PHIP: variants seen among roughly 807,000 people sequenced by gnomAD.
The protein encoded by PHIP is PHIP subunit of CUL4-Ring ligase complex.
A neutral mutation model predicts 236.8 loss-of-function variants in PHIP; 54 were observed. The ratio of observed to expected loss-of-function variants is 0.23; its 90% CI spans 0.18 to 0.29. The LOEUF (loss-of-function observed/expected upper bound fraction) is 0.29. Ranked by LOEUF, PHIP falls within the 10% of genes least tolerant of loss-of-function variation. PHIP has a pLI of 1.00. For missense variants in PHIP, 1,370 were observed against 2,190.8 expected, an observed-to-expected ratio of 0.63 and a Z score of 7.48; for synonymous variants, 756 against 718.9, an observed-to-expected ratio of 1.05 and a Z score of -0.83.
intron 19 of PHIP, among the ~76,000 whole-genome samples, chr6:78,994,175 T>C (rs968434390): frequency 2.6e-5 from 4 of 152,230 alleles, no homozygotes; most frequent in Admixed American, 6.5e-5. Context: ...AATAAAACTT[T>C]AAATGAATGA....
chr6:78,988,163 A>C, intron 21 of PHIP, 46 bp downstream of exon 21: 1 of 1,373,782 alleles, frequency 7.3e-7, no homozygotes, highest in Non-Finnish European at 9.8e-7. Context: ...TATTTAAAAA[A>C]ATAAGTAAAA....
At chr6:79,028,777 G>A (rs528562682) in intron 7 of PHIP, among the ~76,000 whole-genome samples, 1 of 152,256 alleles carries the variant, frequency 6.6e-6, no homozygotes, top group South Asian at 2.1e-4. Context: ...ATCATGTTAT[G>A]CTTCACAATA....
chr6:78,989,745 T>A (rs1769098662), intron 20 of PHIP, among the ~76,000 whole-genome samples: 1 of 152,176 alleles, frequency 6.6e-6, no homozygotes, highest in African/African-American at 2.4e-5. Flanking sequence ...TTAATAGATA[T>A]TAACATATTC....
At chr6:78,944,486 A>AT (rs1189386816) in intron 39 of PHIP, among the ~76,000 whole-genome samples, 1 of 152,164 alleles carries the variant, frequency 6.6e-6, no homozygotes, top group Non-Finnish European at 1.5e-5. Flanking sequence ...GCCTTGAAAT[A>AT]ATGTCATGGA....
intron 6 of PHIP, 79 bp from the exon 7 acceptor site, chr6:79,043,082 C>A (rs1301329832): frequency 1.8e-6 from 2 of 1,117,768 alleles, no homozygotes; most frequent in African/African-American, 1.6e-5. Context: ...AATTCACATA[C>A]TCCAATTTGT....
intron 24 of PHIP, 121 bp from the exon 25 acceptor site, chr6:78,971,009 A>G (rs540680804): frequency 2.9e-5 from 19 of 649,310 alleles, no homozygotes; most frequent in Non-Finnish European, 4.7e-5. Flanking sequence ...AAATTCTAAT[A>G]TTTTCTCCCT....
intron 34 of PHIP, 95 bp from the exon 35 acceptor site, chr6:78,955,058 A>AT (rs1766325854): frequency 1.0e-6 from 1 of 968,440 alleles, no homozygotes. Context: ...GTAATATACA[A>AT]TAATTCAAAC....
At chr6:79,003,245 C>G (rs1770102925) in intron 16 of PHIP, among the ~76,000 whole-genome samples, 1 of 151,904 alleles carries the variant, frequency 6.6e-6, no homozygotes, top group Non-Finnish European at 1.5e-5. Context: ...CACCCCTACT[C>G]TGTAAAAAAA....
chr6:78,960,854 A>G (rs1167443080), intron 31 of PHIP, among the ~76,000 whole-genome samples: 2 of 152,164 alleles, frequency 1.3e-5, no homozygotes, highest in Non-Finnish European at 2.9e-5. Context: ...CACATTTTAT[A>G]TAGAAAAATA....
chr6:78,997,038 T>G (rs1468032652), intron 19 of PHIP, among the ~76,000 whole-genome samples: 2 of 151,346 alleles, frequency 1.3e-5, no homozygotes, highest in African/African-American at 4.8e-5. Flanking sequence ...CATCTGAATA[T>G]CATGTGAATG....
chr6:78,974,592 G>A (rs532976916), intron 24 of PHIP, among the ~76,000 whole-genome samples: 1 of 152,166 alleles, frequency 6.6e-6, no homozygotes, highest in Non-Finnish European at 1.5e-5. Flanking sequence ...CCAGGAGCTG[G>A]TTTTTTGAAA....
At chr6:78,945,896 GTGTC>G in intron 38 of PHIP, 101 bp downstream of exon 38, 1 of 785,828 alleles carries the variant, frequency 1.3e-6, no homozygotes, top group Non-Finnish European at 2.1e-6. Flanking sequence ...AAAAACAACA[GTGTC>G]TGCTAGGAAT....
chr6:79,013,762 C>T (rs931718605), intron 15 of PHIP, among the ~76,000 whole-genome samples: 1 of 151,490 alleles, frequency 6.6e-6, no homozygotes, highest in Non-Finnish European at 1.5e-5. Flanking sequence ...AAACACTCTA[C>T]CAATATAATA....
intron 4 of PHIP, among the ~76,000 whole-genome samples, chr6:79,074,969 G>GA (rs1375706871): frequency 6.6e-6 from 1 of 152,040 alleles, no homozygotes; most frequent in Non-Finnish European, 1.5e-5. Flanking sequence ...ATATTGCTCA[G>GA]TTTATTAGTT....
At chr6:79,036,946 A>G (rs1485978040) in intron 7 of PHIP, among the ~76,000 whole-genome samples, 2 of 149,730 alleles carry the variant, frequency 1.3e-5, no homozygotes, top group Non-Finnish European at 3.0e-5. Context: ...AAAAAAAAAA[A>G]GCAAGGCTGC....
intron 27 of PHIP, 88 bp from the exon 28 acceptor site, chr6:78,966,144 ACTGCCTGTATGATTTC>A: frequency 1.3e-6 from 1 of 795,654 alleles, no homozygotes. Context: ...AAGTACCTAA[ACTGCCTGTATGATTTC>A]AGAAGACAAA....
chr6:78,971,375 T>G (rs1582135057), intron 24 of PHIP, among the ~76,000 whole-genome samples: 1 of 152,250 alleles, frequency 6.6e-6, no homozygotes, highest in Non-Finnish European at 1.5e-5. Context: ...TCCTGACTAC[T>G]GTCTTGGAGA....
chr6:79,030,871 G>A (rs991379457), intron 7 of PHIP, among the ~76,000 whole-genome samples: 2 of 152,002 alleles, frequency 1.3e-5, no homozygotes, highest in Admixed American at 1.3e-4. Context: ...AAATTATTGT[G>A]CTATTGTTTA....
rs1189227375 is a variant in PHIP, at chr6:78,955,084, C to A, written c.3904-121G>T. The A allele has an allele frequency of 6.7e-6, 6 of 893,690 alleles. No homozygotes were observed. The African/African-American group carries it at 8.6e-5, about 13-fold the overall frequency. The allele number at this position is 893,690 out of a possible 1,614,324, so 55.4% of individuals were successfully genotyped here. On this transcript the variant is annotated intron_variant, in intron 34 of 39. Transcript: ENST00000275034. ...TAATTCAAACAAAAGAAAATATTCA[C>A]CAAGTTCTAAAAAACATACATTTTG...
Sources: gnomAD v4.1 joint callset for allele counts (sites outside exome capture counted in the v4.1 genomes callset) on GRCh38, gnomAD v4.1.1 for gene constraint, MANE v1.5 for transcripts, NCBI Gene and HGNC (gene_info 2026-07-23, HGNC 2026-07-21) for gene names.